TENM4: variants seen among roughly 807,000 people sequenced by gnomAD.
TENM4 encodes the protein teneurin transmembrane protein 4.
A neutral mutation model predicts 243.3 loss-of-function variants in TENM4; 82 were observed. The ratio of observed to expected loss-of-function variants is 0.34; its 90% CI spans 0.28 to 0.40. The LOEUF (loss-of-function observed/expected upper bound fraction) is 0.40. Among genes scored for constraint, TENM4 ranks in the 10% least tolerant of loss-of-function variants. The pLI is 1.00. For synonymous variants in TENM4, 1,412 were observed against 1,456.3 expected (o/e 0.97, Z 0.69); for missense variants, 3,138 against 3,673.3 (o/e 0.85, Z 3.77).
chr11:79,312,651 T>A (rs1214574680), intron 1 of TENM4, among the ~76,000 whole-genome samples: 1 of 152,170 alleles, frequency 6.6e-6, no homozygotes, highest in African/African-American at 2.4e-5. Context: ...CTGAATTTAT[T>A]CACCTTTATA....
chr11:78,719,798 G>C lies in TENM4; in HGVS notation c.3821+572C>G, dbSNP rs1333291442. On this transcript the variant is annotated intron_variant, in intron 25 of 33. Coordinates refer to ENST00000278550, the MANE Select transcript of TENM4 (RefSeq NM_001098816.3). ...ATTTCTGTTTACTGCATGTCGCTGTGAGTCTACATGACAAACCTACTCTGG... is the reference window on the plus strand; with the variant it reads ...ATTTCTGTTTACTGCATGTCGCTGTCAGTCTACATGACAAACCTACTCTGG... Among the ~76,000 whole-genome samples, 4 of 152,264 alleles carry C rather than the reference G, an allele frequency of 2.6e-5. No homozygotes were observed. The South Asian group carries it at 6.2e-4, about 24-fold the overall frequency.
intron 13 of TENM4, among the ~76,000 whole-genome samples, chr11:78,813,135 G>A (rs1391839303): frequency 6.6e-6 from 1 of 152,208 alleles, no homozygotes; most frequent in Non-Finnish European, 1.5e-5. Flanking sequence ...GGTAATCACT[G>A]TGTTTCCTTG....
chr11:79,105,621 G>A (rs985005166), intron 4 of TENM4, among the ~76,000 whole-genome samples: 4 of 152,234 alleles, frequency 2.6e-5, no homozygotes, highest in Non-Finnish European at 4.4e-5. Flanking sequence ...AGGGAAAGGT[G>A]GAGCTGGTAG....
intron 6 of TENM4, among the ~76,000 whole-genome samples, chr11:78,906,013 G>C (rs1856055754): frequency 6.6e-6 from 1 of 152,248 alleles, no homozygotes; most frequent in Non-Finnish European, 1.5e-5. Context: ...TAGTTCACCA[G>C]AGCAGTGGGA....
Position 78,925,161 on chromosome 11 carries a change from C to T in TENM4, c.494-21638G>A, listed in dbSNP as rs556311978. Among the ~76,000 whole-genome samples, 32 of 152,242 alleles carry T rather than the reference C, an allele frequency of 2.1e-4. No homozygotes were observed. In the Middle Eastern group the frequency reaches 0.017, roughly 81 times the overall value. On this transcript the variant is annotated intron_variant, in intron 6 of 33. Transcript: ENST00000278550. ...CCAGCTTTTTCCCCTTCTCTCCCAA[C>T]AAAACAAAACAGAGCAAAGAGCGTC...
intron 6 of TENM4, among the ~76,000 whole-genome samples, chr11:79,008,248 C>T (rs1055218812): frequency 9.9e-5 from 15 of 152,108 alleles, no homozygotes; most frequent in African/African-American, 3.4e-4. Context: ...AGAGACAGAG[C>T]GATTTCAGCA....
In TENM4 at chr11:78,669,564, G is replaced by C; in HGVS notation, c.6781C>G (p.Leu2261Val). ...VQYKMDEDGF[L>V]RQRGGDIFEY... Reference sequence around the variant, plus strand: ...AAGATATCACCGCCCCGCTGCCTCAGGAAGCCATCCTCATCCATCTTGTAT... The same window carrying C: ...AAGATATCACCGCCCCGCTGCCTCACGAAGCCATCCTCATCCATCTTGTAT... Residue 2261 changes from leucine (L) to valine (V), a missense_variant, in exon 32 of 34, where the codon CTG becomes GTG. Leu to Val is a conservative substitution (Grantham distance 32). Around this residue, in one of 2 missense-constraint regions of TENM4, gnomAD observed 2,467 missense variants for 3,059.1 expected, o/e 0.81. Coordinates refer to ENST00000278550, the MANE Select transcript of TENM4 (RefSeq NM_001098816.3). This position sits in a 1 kb window ranked among gnomAD's most constrained non-coding sequence, Gnocchi z 6.4. 1.2e-6 allele frequency: 2 copies of C among 1,613,998 alleles called. No homozygotes were observed. The highest frequency in any genetic ancestry group is 8.5e-7 in the Non-Finnish European group (1 of 1,179,900).
intron 3 of TENM4, among the ~76,000 whole-genome samples, chr11:79,192,091 TGGGG>T (rs1324316428): frequency 9.7e-6 from 1 of 103,432 alleles, no homozygotes; most frequent in African/African-American, 3.4e-5. Context: ...GGGAGGGAGG[TGGGG>T]GGGGGTCAGC....
intron 4 of TENM4, among the ~76,000 whole-genome samples, chr11:79,095,367 C>T (rs1286439410): frequency 1.3e-5 from 2 of 152,158 alleles, no homozygotes; most frequent in East Asian, 1.9e-4. Context: ...TGCACAGTAC[C>T]CCACACTTAG....
At chr11:78,731,724 T>C (rs1174769710) in intron 21 of TENM4, among the ~76,000 whole-genome samples, 3 of 152,218 alleles carry the variant, frequency 2.0e-5, no homozygotes, top group Admixed American at 6.5e-5. Flanking sequence ...TTACTTTCTT[T>C]TAATGATAGT....
intron 6 of TENM4, among the ~76,000 whole-genome samples, chr11:78,927,856 T>TCA (rs1856584710): frequency 1.3e-5 from 2 of 150,736 alleles, no homozygotes; most frequent in African/African-American, 4.9e-5. Context: ...CTGTTCTCTC[T>TCA]CTCTCTCTCT....
chr11:78,729,721 A>C (rs1218476453), intron 21 of TENM4, 78 bp from the exon 22 acceptor site: 12 of 1,508,314 alleles, frequency 8.0e-6, no homozygotes, highest in Non-Finnish European at 9.7e-6. Context: ...GGCCCCATGG[A>C]CTCTGGGTGT....
intron 18 of TENM4, among the ~76,000 whole-genome samples, chr11:78,768,821 G>A (rs11237612): frequency 0.16 from 24,122 of 152,084 alleles, 2,122 homozygotes; most frequent in East Asian, 0.39. Flanking sequence ...CTCTCCCCCC[G>A]AGCTGTGGGC....
chr11:78,903,372 G>A lies in TENM4; in HGVS notation c.645C>T (p.Pro215=), dbSNP rs1442400970. Residue 215 remains proline, a synonymous_variant, in exon 7 of 34, where the codon CCC becomes CCT. Transcript: ENST00000278550. Reference sequence around the variant, plus strand: ...GCTCTCCGGAGAGCGAGTGGTCCGTGGGGGCCGGGCTGGGGTTGCTCCTCG... The same window carrying A: ...GCTCTCCGGAGAGCGAGTGGTCCGTAGGGGCCGGGCTGGGGTTGCTCCTCG... The part of the protein sequence containing the change: ...FTPRSNPSPA[P]TDHSLSGEPP... 1 of 1,517,142 alleles carries A rather than the reference G, an allele frequency of 6.6e-7. No individual in the cohort carries two copies. The highest frequency in any genetic ancestry group is 8.8e-7 in the Non-Finnish European group (1 of 1,131,822). 94.0% of individuals were successfully genotyped at this position (1,517,142 alleles called of 1,614,324 possible). A position where few individuals can be genotyped will look rare whatever the true frequency, so the allele number is the denominator to read the frequency against.
chr11:78,842,463 A>C (rs1216600007), intron 12 of TENM4, among the ~76,000 whole-genome samples: 1 of 152,238 alleles, frequency 6.6e-6, no homozygotes, highest in Non-Finnish European at 1.5e-5. Context: ...CCAGCCAAAG[A>C]TACCTATACA....
intron 4 of TENM4, among the ~76,000 whole-genome samples, chr11:79,144,359 G>A (rs1862352545): frequency 6.6e-6 from 1 of 151,966 alleles, no homozygotes; most frequent in African/African-American, 2.4e-5. Context: ...CCGCTATGGA[G>A]AACAGTTTGG....
intron 6 of TENM4, among the ~76,000 whole-genome samples, chr11:79,063,872 G>A (rs553366838): frequency 1.1e-4 from 16 of 152,190 alleles, no homozygotes; most frequent in Non-Finnish European, 2.1e-4. Context: ...TGAGTGTGCA[G>A]CTGGCACGTC....
At chr11:78,968,743 G>A (rs1207136227) in intron 6 of TENM4, among the ~76,000 whole-genome samples, 1 of 152,174 alleles carries the variant, frequency 6.6e-6, no homozygotes, top group African/African-American at 2.4e-5. Context: ...GCTTAGAGAA[G>A]TGAAGTAAAT....
chr11:78,986,410 T>C (rs1016343570), intron 6 of TENM4, among the ~76,000 whole-genome samples: 1 of 152,204 alleles, frequency 6.6e-6, no homozygotes, highest in Non-Finnish European at 1.5e-5. Context: ...GAGGGAACTG[T>C]AGCTTGGGGA....
Sources: gnomAD v4.1 joint callset for allele counts (sites outside exome capture counted in the v4.1 genomes callset) on GRCh38, gnomAD v4.1.1 for gene constraint, gnomAD v4.1.1 regional missense constraint, Gnocchi (gnomAD v3.1) non-coding constraint, MANE v1.5 for transcripts, NCBI Gene and HGNC (gene_info 2026-07-23, HGNC 2026-07-21) for gene names.